The following CLUAP1 variants were observed in gnomAD, a reference collection of about 807,000 sequenced individuals.
CLUAP1 encodes intraflagellar transport 38.
Under a neutral mutation model 55.0 loss-of-function variants are expected in CLUAP1, and 50 were observed. That is an observed-to-expected ratio of 0.91 (90% CI 0.72 to 1.15). The LOEUF (loss-of-function observed/expected upper bound fraction) is 1.15, where lower values mean the gene tolerates loss of function less well. Among genes scored for constraint, CLUAP1 ranks in the 50% most tolerant of loss-of-function variants. CLUAP1 has a pLI of 0.00. For synonymous variants in CLUAP1, 195 were observed against 175.4 expected (o/e 1.11, Z -0.88); for missense variants, 530 against 507.6 (o/e 1.04, Z -0.42).
At chr16:3,500,469 A>G (rs2037368777), upstream of CLUAP1, among the ~76,000 whole-genome samples, 1 of 150,600 alleles carries the variant, frequency 6.6e-6, no homozygotes, top group East Asian at 2.0e-4. Context: ...TGCCGGGTTC[A>G]AGTAATTCTT....
At chr16:3,521,497 C>T (rs1349498472) in intron 7 of CLUAP1, among the ~76,000 whole-genome samples, 6 of 150,702 alleles carry the variant, frequency 4.0e-5, no homozygotes, top group African/African-American at 1.2e-4. Context: ...TGCAATGGCG[C>T]GATCCCGGCT....
chr16:3,526,768 G>A (rs969529911), intron 9 of CLUAP1, among the ~76,000 whole-genome samples: 5 of 152,006 alleles, frequency 3.3e-5, no homozygotes, highest in Non-Finnish European at 2.9e-5. Context: ...TTTAAATATA[G>A]CATTTAAAAC....
intron 5 of CLUAP1, among the ~76,000 whole-genome samples, chr16:3,514,861 T>C (rs971289146): frequency 1.8e-4 from 27 of 152,326 alleles, no homozygotes; most frequent in African/African-American, 6.5e-4. Flanking sequence ...ACCTCATAAC[T>C]ATATCCACAT....
At chr16:3,519,217 C>T (rs1596394303) in intron 6 of CLUAP1, among the ~76,000 whole-genome samples, 1 of 152,356 alleles carries the variant, frequency 6.6e-6, no homozygotes, top group East Asian at 1.9e-4. Context: ...CCCTTCCCTT[C>T]TTTACTCAGC....
At chr16:3,513,642 G>C (rs925707477) in intron 5 of CLUAP1, among the ~76,000 whole-genome samples, 4 of 152,044 alleles carry the variant, frequency 2.6e-5, no homozygotes, top group Admixed American at 2.6e-4. Flanking sequence ...TAGAGATGGG[G>C]TTTCATCATG....
intron 1 of CLUAP1, 32 bp downstream of exon 1, chr16:3,501,121 G>A (rs1011257599): frequency 1.9e-6 from 3 of 1,574,212 alleles, no homozygotes; most frequent in African/African-American, 2.7e-5. Context: ...GTGACCTGCG[G>A]GTCTTCCAGA....
intron 1 of CLUAP1, among the ~76,000 whole-genome samples, chr16:3,502,936 G>A (rs2037435494): frequency 6.6e-6 from 1 of 152,180 alleles, no homozygotes; most frequent in Admixed American, 6.5e-5. Flanking sequence ...CTAGTGGTCA[G>A]GAGTATTTAG....
intron 9 of CLUAP1, among the ~76,000 whole-genome samples, chr16:3,528,551 C>T (rs575349669): frequency 6.6e-6 from 1 of 152,154 alleles, no homozygotes; most frequent in Non-Finnish European, 1.5e-5. Context: ...CAGTGATCAG[C>T]CTGCATGGGG....
chr16:3,517,756 C>T (rs1409386242), intron 6 of CLUAP1, among the ~76,000 whole-genome samples: 1 of 152,184 alleles, frequency 6.6e-6, no homozygotes, highest in Non-Finnish European at 1.5e-5. Context: ...GATGCAGTCA[C>T]TTCTGAGTAT....
chr16:3,506,978 C>G (rs533834527), intron 3 of CLUAP1, among the ~76,000 whole-genome samples: 1 of 152,020 alleles, frequency 6.6e-6, no homozygotes, highest in East Asian at 2.0e-4. Context: ...GGGCGGATCA[C>G]GAGGTCAGGA....
At chr16:3,500,337 G>C (rs1036687760), upstream of CLUAP1, among the ~76,000 whole-genome samples, 2 of 152,182 alleles carry the variant, frequency 1.3e-5, no homozygotes, top group Non-Finnish European at 2.9e-5. Flanking sequence ...GCCTCGGACG[G>C]GGGAAGGCGG....
chr16:3,533,980 T>G (rs2038181236), intron 11 of CLUAP1: 1 of 152,174 alleles, frequency 6.6e-6, no homozygotes, highest in Non-Finnish European at 1.5e-5. Flanking sequence ...TGCCTGGTGG[T>G]CACTTGTTTA....
chr16:3,508,409 G>A lies in CLUAP1; in HGVS notation c.340G>A (p.Glu114Lys), dbSNP rs2037550756. Residue 114 changes from glutamate (E) to lysine (K), a missense_variant, in exon 4 of 12, where the codon GAG (glutamate) becomes AAG (lysine). Transcript: ENST00000576634. ...LYNAMKTKGM[E>K]GSEIVEEDVN... ...TAATGCTATGAAGACCAAGGGGATG[G>A]AGGGCTCTGAAATAGTAGAGGAAGA... is the stretch of plus-strand genomic sequence containing the variant. 2 of 1,596,660 alleles carry A rather than the reference G, an allele frequency of 1.3e-6. No individual in the cohort carries two copies. Among genetic ancestry groups the A allele is most frequent in the African/African-American group, 1.4e-5 (1 of 73,840 alleles).
chr16:3,507,797 A>C (rs905283835), intron 3 of CLUAP1, among the ~76,000 whole-genome samples: 6 of 151,958 alleles, frequency 3.9e-5, no homozygotes, highest in Non-Finnish European at 7.4e-5. Context: ...GTACACTACA[A>C]GATGTTTAGC....
intron 10 of CLUAP1, 95 bp downstream of exon 10, chr16:3,530,770 C>A: frequency 2.3e-6 from 2 of 888,722 alleles, no homozygotes; most frequent in South Asian, 2.9e-5. Flanking sequence ...TTGAGGCCCA[C>A]AAGCGTGCTG....
At position 3,520,097 on chromosome 16, in the gene CLUAP1, G is replaced by T; in HGVS notation, c.713+61G>T. On this transcript the variant is annotated intron_variant, in intron 7 of 11. Coordinates refer to ENST00000576634, the MANE Select transcript of CLUAP1 (RefSeq NM_015041.3). ...GTCCTGGAAAGTTCAAACAAACTGG[G>T]CGTGGTGGCTCATGTCTGAAATCTC... 5 of 1,486,944 alleles carry T rather than the reference G, an allele frequency of 3.4e-6. No homozygotes were observed. In the South Asian group the frequency reaches 5.4e-5, roughly 16 times the overall value. The allele number at this position is 1,486,944 out of a possible 1,614,324, so 92.1% of individuals were successfully genotyped here.
At chr16:3,511,738 C>T (rs971489735) in intron 4 of CLUAP1, among the ~76,000 whole-genome samples, 1 of 152,150 alleles carries the variant, frequency 6.6e-6, no homozygotes, top group Non-Finnish European at 1.5e-5. Context: ...CCCAGGCGTC[C>T]TGGAATTGGT....
intron 9 of CLUAP1, among the ~76,000 whole-genome samples, chr16:3,529,857 T>A (rs1359903868): frequency 1.4e-5 from 1 of 69,468 alleles, no homozygotes; most frequent in East Asian, 3.5e-4. Flanking sequence ...ATATATATTT[T>A]ATAATATAAT....
chr16:3,508,960 T>A (rs926677397), intron 4 of CLUAP1, among the ~76,000 whole-genome samples: 1 of 142,742 alleles, frequency 7.0e-6, no homozygotes, highest in African/African-American at 2.8e-5. Flanking sequence ...TGTCTCAGGA[T>A]GATAATTTGT....
Sources: gnomAD v4.1 joint callset for allele counts (sites outside exome capture counted in the v4.1 genomes callset) on GRCh38, gnomAD v4.1.1 for gene constraint, MANE v1.5 for transcripts, NCBI Gene and HGNC (gene_info 2026-07-23, HGNC 2026-07-21) for gene names.